KIF1B: variants seen among roughly 807,000 people sequenced by gnomAD.
KIF1B encodes the protein kinesin-like protein KIF1B.
Under a neutral mutation model 241.9 loss-of-function variants are expected in KIF1B, and 76 were observed. The observed-to-expected ratio is 0.31, with a 90% CI of 0.26 to 0.38. The LOEUF (loss-of-function observed/expected upper bound fraction) is 0.38, where lower values mean the gene tolerates loss of function less well. Among genes scored for constraint, KIF1B ranks in the 10% least tolerant of loss-of-function variants. The probability of loss-of-function intolerance (pLI) is 1.00; values close to 1 mark genes in which losing one functional copy is unlikely to be tolerated. For missense variants in KIF1B, 1,622 were observed against 2,271.4 expected (o/e 0.71, Z 5.81); for synonymous variants, 750 against 796.7 (o/e 0.94, Z 0.99).
chr1:10,224,199 C>T (rs1196436783), intron 1 of KIF1B, among the ~76,000 whole-genome samples: 1 of 152,136 alleles, frequency 6.6e-6, no homozygotes, highest in Non-Finnish European at 1.5e-5. Flanking sequence ...TCACTGCAAC[C>T]TCCGCCTCCC....
At chr1:10,213,455 G>T (rs904365265) in intron 1 of KIF1B, among the ~76,000 whole-genome samples, 1 of 151,998 alleles carries the variant, frequency 6.6e-6, no homozygotes, top group South Asian at 2.1e-4. Context: ...GTCTGCCAAC[G>T]GAGTCTTTCT....
intron 7 of KIF1B, among the ~76,000 whole-genome samples, chr1:10,271,105 G>C (rs915906786): frequency 1.3e-5 from 2 of 150,942 alleles, no homozygotes; most frequent in Non-Finnish European, 2.9e-5. Context: ...AGTAAATTAT[G>C]TCATGTTTAT....
At chr1:10,314,405 G>GT (rs1651212606) in intron 22 of KIF1B, among the ~76,000 whole-genome samples, 1 of 151,210 alleles carries the variant, frequency 6.6e-6, no homozygotes, top group Non-Finnish European at 1.5e-5. Flanking sequence ...TGCAGTTAAA[G>GT]TTTTTTGTTT....
At chr1:10,269,305 G>C (rs1313286698) in intron 7 of KIF1B, among the ~76,000 whole-genome samples, 1 of 151,758 alleles carries the variant, frequency 6.6e-6, no homozygotes, top group East Asian at 1.9e-4. Context: ...AAGAGGTCAG[G>C]AGTTTGGGAC....
intron 44 of KIF1B, 50 bp downstream of exon 44, chr1:10,368,588 T>G: frequency 6.8e-7 from 1 of 1,478,530 alleles, no homozygotes; most frequent in Non-Finnish European, 9.5e-7. Context: ...AACTGATTTC[T>G]CCACAGCAGC....
chr1:10,265,660 C>T (rs1019670990), intron 5 of KIF1B, among the ~76,000 whole-genome samples: 22 of 152,010 alleles, frequency 1.4e-4, no homozygotes, highest in African/African-American at 4.6e-4. Flanking sequence ...GCCTGGGCAA[C>T]GTGGTGAGAC....
chr1:10,307,437 G>C (rs1048180868), intron 22 of KIF1B: 1 of 409,814 alleles, frequency 2.4e-6, no homozygotes, highest in Non-Finnish European at 3.3e-6. Context: ...AGCCTCCTGG[G>C]TAGCTGGGAC....
Position 10,337,486 on chromosome 1 carries a change from G to A in KIF1B, c.3375G>A (p.Gln1125=). Residue 1125 remains glutamine (Q), a synonymous_variant, in exon 31 of 49, where the codon CAG becomes CAA. Transcript: ENST00000676179. This position sits in a 1 kb window ranked among gnomAD's most constrained non-coding sequence, Gnocchi z 4.0. ...SAFTFRVTVL[Q]ASGILPEYAD... The stretch of plus-strand genomic sequence containing the variant: ...TCACTTTCCGAGTAACAGTGTTGCA[G>A]GCCAGTGGAATCCTCCCAGAGTATG... The A allele has an allele frequency of 6.2e-7, 1 of 1,614,190 alleles. No homozygotes were observed. Among genetic ancestry groups the A allele is most frequent in the Non-Finnish European group, 8.5e-7 (1 of 1,180,030 alleles).
chr1:10,372,795 A>G (rs1242454161), intron 45 of KIF1B, among the ~76,000 whole-genome samples: 1 of 148,652 alleles, frequency 6.7e-6, no homozygotes, highest in Non-Finnish European at 1.5e-5. Context: ...ACACCCAGCT[A>G]ATTTTTTATT....
intron 2 of KIF1B, among the ~76,000 whole-genome samples, chr1:10,249,212 A>G (rs1647307888): frequency 6.6e-6 from 1 of 152,082 alleles, no homozygotes; most frequent in Non-Finnish European, 1.5e-5. Flanking sequence ...TTCTGTTTTT[A>G]TGTGCATGGT....
At chr1:10,245,062 G>T (rs1647191250) in intron 2 of KIF1B, among the ~76,000 whole-genome samples, 1 of 152,148 alleles carries the variant, frequency 6.6e-6, no homozygotes, top group South Asian at 2.1e-4. Context: ...ATCAATTATA[G>T]TTGCAGGCAA....
At chr1:10,310,458 CTG>C (rs1244907794) in intron 22 of KIF1B, among the ~76,000 whole-genome samples, 1 of 151,516 alleles carries the variant, frequency 6.6e-6, no homozygotes, top group Admixed American at 6.6e-5. Flanking sequence ...TTTTGTGAAA[CTG>C]TTCAACTCTA....
chr1:10,216,585 G>T (rs72864193), intron 1 of KIF1B, among the ~76,000 whole-genome samples: 5,388 of 152,170 alleles, frequency 0.035, 118 homozygotes, highest in Middle Eastern at 0.13. Flanking sequence ...GGGGATTAGT[G>T]CCACAATTAA....
At chr1:10,368,276 T>A (rs1401209211) in intron 43 of KIF1B, among the ~76,000 whole-genome samples, 191 bp from the exon 44 acceptor site, 1 of 152,228 alleles carries the variant, frequency 6.6e-6, no homozygotes, top group South Asian at 2.1e-4. Flanking sequence ...ATTTACTGAT[T>A]TATTAGAAAG....
At chr1:10,361,150 T>C (rs1384103086) in intron 39 of KIF1B, 107 bp downstream of exon 39, 13 of 773,518 alleles carry the variant, frequency 1.7e-5, no homozygotes, top group Non-Finnish European at 2.8e-5. Context: ...GTCCTCTTTC[T>C]TCCTCCACAT....
At chr1:10,323,831 C>T (rs1376035219) in intron 24 of KIF1B, 53 bp from the exon 25 acceptor site, 1 of 1,459,878 alleles carries the variant, frequency 6.8e-7, no homozygotes, top group Non-Finnish European at 9.6e-7. Context: ...CGTCTCATCT[C>T]TGAAGCTTGC....
chr1:10,338,468 G>A (rs1292499645), intron 31 of KIF1B, among the ~76,000 whole-genome samples: 4 of 152,170 alleles, frequency 2.6e-5, no homozygotes, highest in Non-Finnish European at 4.4e-5. Flanking sequence ...TATTTAATGT[G>A]TTTTCACTCA....
chr1:10,305,272 C>CA, intron 22 of KIF1B: 2 of 1,042,316 alleles, frequency 1.9e-6, no homozygotes, highest in Middle Eastern at 4.4e-4. Flanking sequence ...CTGTATTTTA[C>CA]AAAAAACTCA....
Position 10,282,475 on chromosome 1 carries a change from G to C in KIF1B, c.1376G>C (p.Ser459Thr). The C allele has an allele frequency of 6.2e-7, 1 of 1,614,120 alleles. No homozygotes were observed. The highest frequency in any genetic ancestry group is 8.5e-7 in the Non-Finnish European group (1 of 1,180,024). Residue 459 changes from serine to threonine, a missense_variant, in exon 15 of 49, where the codon AGT becomes ACT. Ser to Thr is a moderately conservative substitution (Grantham distance 58). Around this residue, in one of 7 missense-constraint regions of KIF1B, gnomAD observed 201 missense variants for 301.2 expected, o/e 0.67. Transcript: ENST00000676179. ...CAGGTGGGCTTGACGTCTGTGACCA[G>C]TATTCAAGAGAGGATCATGTCTACA... is the stretch of plus-strand genomic sequence containing the variant. Reference protein sequence around the residue: ...SSQVGLTSVTSIQERIMSTPG... With the variant: ...SSQVGLTSVTTIQERIMSTPG...
Sources: gnomAD v4.1 joint callset for allele counts (sites outside exome capture counted in the v4.1 genomes callset) on GRCh38, gnomAD v4.1.1 for gene constraint, gnomAD v4.1.1 regional missense constraint, Gnocchi (gnomAD v3.1) non-coding constraint, MANE v1.5 for transcripts, NCBI Gene and HGNC (gene_info 2026-07-23, HGNC 2026-07-21) for gene names.